Variants in CDIN1 observed in about 807,000 individuals in gnomAD.
CDIN1 encodes CDAN1-interacting nuclease 1.
Under a neutral mutation model 45.3 loss-of-function variants are expected in CDIN1, and 33 were observed. The observed-to-expected ratio is 0.73, with a 90% CI of 0.55 to 0.97. The LOEUF (loss-of-function observed/expected upper bound fraction) is 0.97, where lower values mean the gene tolerates loss of function less well. Among genes scored for constraint, CDIN1 ranks in the 50% least tolerant of loss-of-function variants. CDIN1 has a pLI of 0.00. For synonymous variants in CDIN1, 118 were observed against 124.4 expected (o/e 0.95, Z 0.34); for missense variants, 303 against 339.4 (o/e 0.89, Z 0.84).
rs565517096 is a variant in CDIN1, at chr15:36,585,800, A to G, written c.101+5839A>G. ...GAAAATAATTTTGTGATATATGACA[A>G]TGGCATTGCTTCATAAGGACAAGAA... On this transcript the variant is annotated intron_variant, in intron 1 of 10. Transcript: ENST00000566621. Among the ~76,000 whole-genome samples the G allele has an allele frequency of 4.1e-4, 63 of 152,336 alleles. 2 individuals are homozygous for G. The highest frequency in any genetic ancestry group is 1.2e-3 in the South Asian group (6 of 4,826).
At chr15:36,592,062 A>C (rs2037601682) in intron 1 of CDIN1, among the ~76,000 whole-genome samples, 1 of 150,334 alleles carries the variant, frequency 6.7e-6, no homozygotes, top group Non-Finnish European at 1.5e-5. Context: ...CTCTTTAGAA[A>C]GCAGCTCTAG....
At chr15:36,718,402 G>T (rs528577841) in intron 10 of CDIN1, among the ~76,000 whole-genome samples, 7 of 152,078 alleles carry the variant, frequency 4.6e-5, no homozygotes, top group Non-Finnish European at 1.0e-4. Context: ...AGCCTGCTGC[G>T]ATTTAGATTG....
At chr15:36,704,507 T>C (rs1307133945) in intron 8 of CDIN1, 1 of 150,710 alleles carries the variant, frequency 6.6e-6, no homozygotes, top group African/African-American at 2.4e-5. Context: ...AACTTACTCT[T>C]AGAGAACATA....
At chr15:36,742,421 C>A (rs542042543) in intron 10 of CDIN1, among the ~76,000 whole-genome samples, 3 of 151,934 alleles carry the variant, frequency 2.0e-5, no homozygotes, top group Non-Finnish European at 4.4e-5. Context: ...AGTGTTTGTT[C>A]GTTAATACAC....
rs1394318693 is a variant in CDIN1, at chr15:36,618,642, G to C, written c.102-25636G>C. The C allele has an allele frequency of 3.6e-6, 3 of 824,444 alleles. No homozygotes were observed. In the African/African-American group the frequency reaches 5.0e-5, roughly 14 times the overall value. The allele number at this position is 824,444 out of a possible 1,614,324, so 51.1% of individuals were successfully genotyped here. A position where few individuals can be genotyped will look rare whatever the true frequency, so the allele number is the denominator to read the frequency against. ...ACAAAGAAAAGGATAATGAAGTGTTGAGAGTTAGTTGCCCAGTGCCTGCAG... is the reference window on the plus strand; with the variant it reads ...ACAAAGAAAAGGATAATGAAGTGTTCAGAGTTAGTTGCCCAGTGCCTGCAG... On this transcript the variant is annotated intron_variant, in intron 1 of 10. Coordinates refer to ENST00000566621, the MANE Select transcript of CDIN1 (RefSeq NM_001321759.2).
At chr15:36,609,940 A>C (rs1368145555) in intron 1 of CDIN1, among the ~76,000 whole-genome samples, 1 of 152,200 alleles carries the variant, frequency 6.6e-6, no homozygotes, top group Admixed American at 6.5e-5. Flanking sequence ...CTACAGTCTG[A>C]GAGAGAAAAG....
intron 10 of CDIN1, among the ~76,000 whole-genome samples, chr15:36,716,045 A>G (rs73381786): frequency 0.019 from 2,846 of 152,246 alleles, 91 homozygotes; most frequent in African/African-American, 0.066. Flanking sequence ...TGATATTCGT[A>G]ATAAGGAGAC....
At chr15:36,606,686 A>G (rs2038394030) in intron 1 of CDIN1, among the ~76,000 whole-genome samples, 1 of 152,192 alleles carries the variant, frequency 6.6e-6, no homozygotes, top group Admixed American at 6.5e-5. Flanking sequence ...GTCTGTTTCA[A>G]TTCCTTAAAA....
At chr15:36,695,654 G>C (rs932312021) in intron 7 of CDIN1, among the ~76,000 whole-genome samples, 3 of 152,016 alleles carry the variant, frequency 2.0e-5, no homozygotes, top group Non-Finnish European at 4.4e-5. Flanking sequence ...TGAGACCAGC[G>C]TGGCCTACAT....
chr15:36,719,351 C>A (rs1220925387), intron 10 of CDIN1, among the ~76,000 whole-genome samples: 1 of 152,122 alleles, frequency 6.6e-6, no homozygotes, highest in African/African-American at 2.4e-5. Context: ...GGATTTTTGT[C>A]AAATGCTGTT....
chr15:36,607,099 A>C (rs1342048601), intron 1 of CDIN1, among the ~76,000 whole-genome samples: 1 of 152,168 alleles, frequency 6.6e-6, no homozygotes, highest in Admixed American at 6.5e-5. Context: ...GTACATTGTT[A>C]AAATTTTAAG....
chr15:36,684,242 A>G (rs1332510118), intron 5 of CDIN1, among the ~76,000 whole-genome samples: 2 of 151,268 alleles, frequency 1.3e-5, no homozygotes, highest in Non-Finnish European at 2.9e-5. Context: ...ATTTTGAAAT[A>G]CGTCCCATCA....
At chr15:36,608,377 G>T (rs1271769179) in intron 1 of CDIN1, among the ~76,000 whole-genome samples, 2 of 152,150 alleles carry the variant, frequency 1.3e-5, no homozygotes, top group Non-Finnish European at 2.9e-5. Flanking sequence ...TGGGTATGAA[G>T]TGGTATCTCA....
At chr15:36,787,398 T>C (rs2054519736) in intron 10 of CDIN1, among the ~76,000 whole-genome samples, 1 of 152,254 alleles carries the variant, frequency 6.6e-6, no homozygotes, top group Admixed American at 6.5e-5. Flanking sequence ...TGTGCTCTCA[T>C]ACTCTTAACC....
intron 10 of CDIN1, among the ~76,000 whole-genome samples, chr15:36,725,477 G>A (rs2043590465): frequency 6.6e-6 from 1 of 152,114 alleles, no homozygotes; most frequent in South Asian, 2.1e-4. Context: ...GGAGGTCTGT[G>A]TGCTATCTTA....
chr15:36,688,068 AAATG>A (rs1296714129), intron 5 of CDIN1, among the ~76,000 whole-genome samples: 3 of 152,114 alleles, frequency 2.0e-5, no homozygotes, highest in South Asian at 2.1e-4. Flanking sequence ...AAAAAATTGA[AAATG>A]AATTTTATAA....
chr15:36,657,774 G>T (rs1333414714), intron 4 of CDIN1, 59 bp from the exon 5 acceptor site: 21 of 1,315,970 alleles, frequency 1.6e-5, no homozygotes, highest in Non-Finnish European at 2.3e-5. Context: ...ACAAAATACT[G>T]GAGTATCCAC....
chr15:36,579,819 G>GT lies in CDIN1; in HGVS notation c.-36dup, dbSNP rs1555377964. The GT allele has an allele frequency of 1.3e-6, 2 of 1,545,380 alleles. No homozygotes were observed. The highest frequency in any genetic ancestry group is 1.4e-5 in the African/African-American group (1 of 73,374). On this transcript the variant is annotated 5_prime_UTR_variant, in exon 1 of 11. Transcript: ENST00000566621. ...ACCAAGGCTACTTGAGCCCCAGGGT[G>GT]TTTTTTCCTTGTTCCCGCCACCTCC...
At chr15:36,623,509 A>G (rs1283842985) in intron 1 of CDIN1, among the ~76,000 whole-genome samples, 3 of 152,162 alleles carry the variant, frequency 2.0e-5, no homozygotes, top group Admixed American at 6.5e-5. Flanking sequence ...TTAGGGTGAA[A>G]ATGGCTTTGT....
Sources: gnomAD v4.1 joint callset for allele counts (sites outside exome capture counted in the v4.1 genomes callset) on GRCh38, gnomAD v4.1.1 for gene constraint, MANE v1.5 for transcripts, NCBI Gene and HGNC (gene_info 2026-07-23, HGNC 2026-07-21) for gene names.